The following GPC3 variants were observed in gnomAD, a reference collection of about 807,000 sequenced individuals.
GPC3 encodes glypican-3.
Under a neutral mutation model 34.4 loss-of-function variants are expected in GPC3, and 3 were observed. The observed-to-expected ratio is 0.09, with a 90% confidence interval of 0.04 to 0.23. The LOEUF (loss-of-function observed/expected upper bound fraction) is 0.23. GPC3 is among the 10% of genes least tolerant of loss of function. GPC3 has a pLI of 1.00. For missense variants in GPC3, 351 were observed against 445.6 expected, an observed-to-expected ratio of 0.79 and a Z score of 1.91; for synonymous variants, 177 against 174.0, an observed-to-expected ratio of 1.02 and a Z score of -0.13.
chrX:133,895,368 G>C (rs1160982130), intron 2 of GPC3, among the ~76,000 whole-genome samples: 1 of 111,544 alleles, frequency 9.0e-6, no homozygotes, highest in Non-Finnish European at 1.9e-5. Context: ...TTTGACTTGA[G>C]AGTCCTTCAT....
At chrX:133,767,918 G>T (rs750634440) in intron 2 of GPC3, among the ~76,000 whole-genome samples, 3 of 106,767 alleles carry the variant, frequency 2.8e-5, no homozygotes, top group Admixed American at 1.0e-4. Flanking sequence ...TGAGTTGTAT[G>T]TACGTGTGTG....
chrX:133,566,765 C>T (rs1436939084), intron 7 of GPC3, among the ~76,000 whole-genome samples: 1 of 111,516 alleles, frequency 9.0e-6, no homozygotes, highest in Non-Finnish European at 1.9e-5. Context: ...TCAGCTTTAT[C>T]CTACTTTTCA....
chrX:133,591,718 A>C (rs183635530), intron 7 of GPC3, among the ~76,000 whole-genome samples: 1 of 112,323 alleles, frequency 8.9e-6, no homozygotes, highest in Admixed American at 9.5e-5. Context: ...GGCCCTTGAC[A>C]AGATCCCATG....
intron 2 of GPC3, among the ~76,000 whole-genome samples, chrX:133,925,511 A>C (rs377067998): frequency 1.7e-4 from 19 of 112,074 alleles, no homozygotes; most frequent in African/African-American, 5.8e-4. Flanking sequence ...GACTGGTGTG[A>C]TGGCATAAAT....
At chrX:133,976,966 T>TAAAA (rs61628394) in intron 1 of GPC3, among the ~76,000 whole-genome samples, 4,365 of 109,001 alleles carry the variant, frequency 0.04, 82 homozygotes, top group East Asian at 0.093. Context: ...AATAAATAAA[T>TAAAA]GAGGGGCAAC....
At chrX:133,549,190 T>C (rs906620696) in intron 7 of GPC3, among the ~76,000 whole-genome samples, 2 of 110,566 alleles carry the variant, frequency 1.8e-5, no homozygotes, top group Non-Finnish European at 3.8e-5. Flanking sequence ...ATGCTGTCCA[T>C]TTCTCCTCTT....
chrX:133,607,413 T>A (rs1199719626), intron 6 of GPC3, among the ~76,000 whole-genome samples: 1 of 108,633 alleles, frequency 9.2e-6, no homozygotes, highest in Non-Finnish European at 1.9e-5. Context: ...GTAAGTAGCT[T>A]ATTCACTGAT....
At chrX:133,623,696 A>T (rs1223278701) in intron 6 of GPC3, among the ~76,000 whole-genome samples, 1 of 111,741 alleles carries the variant, frequency 8.9e-6, no homozygotes, top group Admixed American at 9.5e-5. Flanking sequence ...TTAGACTTCC[A>T]CACAATAATA....
intron 7 of GPC3, among the ~76,000 whole-genome samples, chrX:133,586,510 G>A (rs1347767769): frequency 5.4e-5 from 6 of 111,715 alleles, no homozygotes; most frequent in African/African-American, 1.6e-4. Flanking sequence ...AGCTCAGAGC[G>A]AGATAGAATG....
chrX:133,582,818 A>T (rs886722557), intron 7 of GPC3, among the ~76,000 whole-genome samples: 2 of 110,998 alleles, frequency 1.8e-5, no homozygotes, highest in African/African-American at 6.6e-5. Context: ...GGTGCAGGGG[A>T]TGAGTGTGAA....
chrX:133,801,383 T>A (rs1482163201), intron 2 of GPC3, among the ~76,000 whole-genome samples: 4 of 111,914 alleles, frequency 3.6e-5, no homozygotes, highest in African/African-American at 9.7e-5. Flanking sequence ...CCTATCTTGG[T>A]AAATGGAGGT....
At chrX:133,935,311 A>T (rs1048023297) in intron 2 of GPC3, among the ~76,000 whole-genome samples, 14 of 112,308 alleles carry the variant, frequency 1.2e-4, no homozygotes, top group African/African-American at 4.5e-4. Context: ...GTAAGTACAA[A>T]GGCACATTTC....
chrX:133,847,234 G>A (rs1338797661), intron 2 of GPC3, among the ~76,000 whole-genome samples: 3 of 111,574 alleles, frequency 2.7e-5, no homozygotes, highest in Non-Finnish European at 5.7e-5. Context: ...TCTGTAGTAA[G>A]GAGTATTTTT....
chrX:133,761,879 G>A (rs2071795459), intron 2 of GPC3, among the ~76,000 whole-genome samples: 1 of 111,767 alleles, frequency 8.9e-6, no homozygotes, highest in South Asian at 3.7e-4. Context: ...AGAACGCTTA[G>A]GGCCAAATTT....
chrX:133,733,489 A>G (rs1256876214), intron 3 of GPC3, among the ~76,000 whole-genome samples: 1 of 111,406 alleles, frequency 9.0e-6, no homozygotes, highest in East Asian at 2.8e-4. Flanking sequence ...GACACTAGAA[A>G]GAAGAGCACA....
chrX:133,612,954 C>T (rs977926010), intron 6 of GPC3, among the ~76,000 whole-genome samples: 2 of 111,684 alleles, frequency 1.8e-5, no homozygotes, highest in South Asian at 3.8e-4. Context: ...TGGGGAACAC[C>T]GGTGAAACAG....
chrX:133,780,769 C>A (rs2072036996), intron 2 of GPC3, among the ~76,000 whole-genome samples: 1 of 111,131 alleles, frequency 9.0e-6, no homozygotes, highest in South Asian at 3.9e-4. Context: ...CTCCATCAAA[C>A]CCTGTACAGT....
In GPC3 at chrX:133,753,838, T is replaced by C. The variant is rs145141525; in HGVS notation, c.676A>G (p.Thr226Ala). The change falls in exon 3 of 8, where the codon ACT (threonine) becomes GCT (alanine). Residue 226 changes from threonine to alanine, a missense_variant. Transcript: ENST00000370818. ...MTQVSKSLQV[T>A]RIFLQALNLG... Reference sequence around the variant, plus strand: ...TTCAGAGCCTGAAGGAAGATCCTAGTGACTTGCAGTGACTTGGAAACCTGG... The same window carrying C: ...TTCAGAGCCTGAAGGAAGATCCTAGCGACTTGCAGTGACTTGGAAACCTGG... 35 of 1,208,839 alleles carry C rather than the reference T, an allele frequency of 2.9e-5. No individual in the cohort carries two copies. The African/African-American group carries it at 6.1e-4, about 21-fold the overall frequency.
At chrX:133,687,069 G>A (rs1278192394) in intron 5 of GPC3, among the ~76,000 whole-genome samples, 2 of 104,349 alleles carry the variant, frequency 1.9e-5, no homozygotes, top group Non-Finnish European at 3.9e-5. Context: ...GGGATTACGG[G>A]CACCTGCCAC....
Sources: gnomAD v4.1 joint callset for allele counts (sites outside exome capture counted in the v4.1 genomes callset) on GRCh38, gnomAD v4.1.1 for gene constraint, MANE v1.5 for transcripts, NCBI Gene and HGNC (gene_info 2026-07-23, HGNC 2026-07-21) for gene names.